The following EZR variants were observed in gnomAD, a reference collection of about 807,000 sequenced individuals.
EZR encodes the protein ezrin.
In EZR, 40 loss-of-function variants were observed where a neutral mutation model predicts 74.8. The ratio of observed to expected loss-of-function variants is 0.53; its 90% CI spans 0.42 to 0.70. The LOEUF (loss-of-function observed/expected upper bound fraction) is 0.70. Ranked by LOEUF, EZR falls within the 30% of genes least tolerant of loss-of-function variation. The probability of loss-of-function intolerance (pLI) is 0.00; values close to 1 mark genes in which losing one functional copy is unlikely to be tolerated. For synonymous variants in EZR, 341 were observed against 283.3 expected, an observed-to-expected ratio of 1.20 and a Z score of -2.05; for missense variants, 678 against 755.8, an observed-to-expected ratio of 0.90 and a Z score of 1.21.
At chr6:158,808,418 G>A (rs1450982065) in intron 2 of EZR, among the ~76,000 whole-genome samples, 3 of 152,206 alleles carry the variant, frequency 2.0e-5, no homozygotes, top group Admixed American at 2.0e-4. Context: ...CAGAGGTCTA[G>A]CAAGACAGCT....
chr6:158,794,697 G>A (rs1368779274), intron 2 of EZR, among the ~76,000 whole-genome samples: 3 of 152,148 alleles, frequency 2.0e-5, no homozygotes, highest in Non-Finnish European at 2.9e-5. Flanking sequence ...ACGCAATCAC[G>A]TGTAGTACAG....
intron 2 of EZR, among the ~76,000 whole-genome samples, chr6:158,798,393 T>C (rs894721857): frequency 6.6e-6 from 1 of 152,252 alleles, no homozygotes; most frequent in Non-Finnish European, 1.5e-5. Context: ...TTTACTGTTT[T>C]TAAGTTCTAA....
rs375375425 is a variant in EZR at position 158,785,345 on chromosome 6, G to C, written c.431C>G (p.Ser144Cys). 16 of 1,614,112 alleles carry C rather than the reference G, an allele frequency of 9.9e-6. No individual in the cohort carries two copies. In the African/African-American group the frequency reaches 2.0e-4, roughly 20 times the overall value. Residue 144 changes from serine to cysteine, a missense_variant, in exon 5 of 14, where the codon TCT (serine) becomes TGT (cysteine). This residue lies in a region of EZR where 217 missense variants were observed against 232.2 expected (regional missense o/e 0.93). Transcript: ENST00000367075. ...CAGCCGCTCAGAGCTGAGGTACCCA[G>C]ACTTGTGCACTTCTTTGTTGTAGTC... is the stretch of plus-strand genomic sequence containing the variant. ...FGDYNKEVHK[S>C]GYLSSERLIP...
chr6:158,781,974 G>A (rs1344626273), intron 7 of EZR, among the ~76,000 whole-genome samples: 1 of 152,254 alleles, frequency 6.6e-6, no homozygotes, highest in South Asian at 2.1e-4. Context: ...TCCCCAGGCT[G>A]GGCAAGACTC....
At position 158,766,674 on chromosome 6, in the gene EZR, ACAG is replaced by A; in HGVS notation, c.*237_*239del. On this transcript the variant is annotated 3_prime_UTR_variant, in exon 14 of 14. Transcript: ENST00000367075. The stretch of plus-strand genomic sequence containing the variant: ...CAATCAGTCCTGCTCCCAGCACAAC[ACAG>A]GAGGTGATTCGAGAATAATCGCGAG... The A allele has an allele frequency of 1.8e-6, 1 of 561,512 alleles. No homozygotes were observed. The highest frequency in any genetic ancestry group is 2.1e-5 in the South Asian group (1 of 46,634). 34.8% of individuals were successfully genotyped at this position (561,512 alleles called of 1,614,324 possible). A position where few individuals can be genotyped will look rare whatever the true frequency, so the allele number is the denominator to read the frequency against.
chr6:158,789,718 C>CA (rs1791682519), intron 2 of EZR, among the ~76,000 whole-genome samples: 1 of 152,228 alleles, frequency 6.6e-6, no homozygotes, highest in Admixed American at 6.5e-5. Flanking sequence ...CCCAGGCTCA[C>CA]ACGAACGCCT....
At chr6:158,808,505 T>C (rs947258877) in intron 2 of EZR, among the ~76,000 whole-genome samples, 2 of 152,168 alleles carry the variant, frequency 1.3e-5, no homozygotes, top group Non-Finnish European at 2.9e-5. Flanking sequence ...GCTGCTAAGT[T>C]AGAGGAAAAG....
intron 2 of EZR, among the ~76,000 whole-genome samples, chr6:158,795,895 A>T (rs1583577156): frequency 6.6e-6 from 1 of 152,086 alleles, no homozygotes; most frequent in Non-Finnish European, 1.5e-5. Flanking sequence ...TAATCTGAGG[A>T]CCCCTAGCTG....
intron 12 of EZR, among the ~76,000 whole-genome samples, 194 bp downstream of exon 12, chr6:158,769,132 C>T (rs56400021): frequency 6.6e-6 from 1 of 152,208 alleles, no homozygotes; most frequent in Non-Finnish European, 1.5e-5. Flanking sequence ...AAACCCATCT[C>T]TTTGGGGATG....
At chr6:158,780,194 A>G (rs915167726) in intron 7 of EZR, among the ~76,000 whole-genome samples, 6 of 151,642 alleles carry the variant, frequency 4.0e-5, no homozygotes, top group African/African-American at 1.5e-4. Flanking sequence ...AAAAAAAAAA[A>G]AAAACCAAGA....
intron 2 of EZR, among the ~76,000 whole-genome samples, chr6:158,811,029 G>T (rs1295837303): frequency 6.6e-6 from 1 of 152,138 alleles, no homozygotes; most frequent in Non-Finnish European, 1.5e-5. Flanking sequence ...AAAATTATGT[G>T]TATTAACTAT....
intron 2 of EZR, among the ~76,000 whole-genome samples, chr6:158,792,253 G>A (rs1476939365): frequency 1.4e-5 from 2 of 147,028 alleles, no homozygotes; most frequent in South Asian, 2.2e-4. Flanking sequence ...CTCCTCTGTC[G>A]CCCAGGTTGG....
intron 2 of EZR, among the ~76,000 whole-genome samples, chr6:158,807,356 TCCCAAGACA>T (rs1324988631): frequency 4.2e-4 from 63 of 150,486 alleles, no homozygotes; most frequent in Admixed American, 1.1e-3. Flanking sequence ...CAAGGCTGGA[TCCCAAGACA>T]TATTTTATAA....
rs1562504189 is a variant in EZR, at chr6:158,803,530, TATATATATATATA to T, written c.13-14172_13-14160del. Reference sequence around the variant, plus strand: ...CCAGGGTAAATATTATGTAACATTATATATATATATATATGTATATATATATATATATATATAT... The same window carrying T: ...CCAGGGTAAATATTATGTAACATTATTGTATATATATATATATATATATAT... On this transcript the variant is annotated intron_variant, in intron 2 of 13. Coordinates refer to ENST00000367075, the MANE Select transcript of EZR (RefSeq NM_001111077.2). 4.5e-4 allele frequency among the ~76,000 whole-genome samples: 31 copies of T among 68,188 alleles called. 2 individuals carry two copies. Among genetic ancestry groups the T allele is most frequent in the East Asian group, 1.7e-3 (1 of 600 alleles). The allele number at this position is 68,188 out of a possible 152,430, so 44.7% of individuals were successfully genotyped here.
intron 2 of EZR, among the ~76,000 whole-genome samples, chr6:158,816,978 G>A (rs952372805): frequency 1.3e-5 from 2 of 151,990 alleles, no homozygotes; most frequent in East Asian, 1.9e-4. Context: ...CCAACTACTC[G>A]GGAGGCTGAG....
chr6:158,767,591 C>T, intron 12 of EZR, 79 bp from the exon 13 acceptor site: 1 of 1,447,440 alleles, frequency 6.9e-7, no homozygotes. Context: ...CTGTCACCTC[C>T]CTCTGTCCTG....
At chr6:158,818,037 A>G (rs1224375658) in intron 2 of EZR, 45 bp downstream of exon 2, 51 of 1,600,436 alleles carry the variant, frequency 3.2e-5, no homozygotes, top group Non-Finnish European at 4.0e-5. Flanking sequence ...CCCCTCTCCA[A>G]TGAAGCCTCT....
chr6:158,812,229 T>C (rs942535350), intron 2 of EZR, among the ~76,000 whole-genome samples: 1 of 152,206 alleles, frequency 6.6e-6, no homozygotes, highest in African/African-American at 2.4e-5. Context: ...ACAGCACTCC[T>C]GGCATTTCAG....
chr6:158,770,998 C>T lies in EZR; in HGVS notation c.960-104G>A, dbSNP rs561125823. The T allele has an allele frequency of 6.4e-5, 99 of 1,550,218 alleles. 1 individual carries two copies. The South Asian group carries it at 1.1e-3, about 17-fold the overall frequency. On this transcript the variant is annotated intron_variant, in intron 9 of 13. Transcript: ENST00000367075. Reference sequence around the variant, plus strand: ...TGAAGCTCCAGGATGGACTTGGTATCCTGAGGGCCACCCTAGCCTGCTGCC... The same window carrying T: ...TGAAGCTCCAGGATGGACTTGGTATTCTGAGGGCCACCCTAGCCTGCTGCC...
Sources: gnomAD v4.1 joint callset for allele counts (sites outside exome capture counted in the v4.1 genomes callset) on GRCh38, gnomAD v4.1.1 for gene constraint, gnomAD v4.1.1 regional missense constraint, MANE v1.5 for transcripts, NCBI Gene and HGNC (gene_info 2026-07-23, HGNC 2026-07-21) for gene names.